The following MAGEA11 variants were observed in gnomAD, a reference collection of about 807,000 sequenced individuals.
MAGEA11 encodes the protein MAGE family member A11.
A neutral mutation model predicts 8.4 loss-of-function variants in MAGEA11; 1 was observed. That is an observed-to-expected ratio of 0.12 (90% CI 0.04 to 0.57). The LOEUF (loss-of-function observed/expected upper bound fraction) is 0.57. Among genes scored for constraint, MAGEA11 ranks in the 20% least tolerant of loss-of-function variants. MAGEA11 has a pLI of 0.91. For missense variants in MAGEA11, 209 were observed against 317.3 expected (o/e 0.66, Z 2.59); for synonymous variants, 127 against 119.3 (o/e 1.06, Z -0.42).
At chrX:149,697,949 A>G (rs993747556) in intron 1 of MAGEA11, among the ~76,000 whole-genome samples, 4 of 111,835 alleles carry the variant, frequency 3.6e-5, no homozygotes, top group Admixed American at 9.4e-5. Context: ...GTGAAGACGG[A>G]CATGTTTGCT....
chrX:149,714,112 T>G (rs1434535145), intron 2 of MAGEA11: 7 of 144,585 alleles, frequency 4.8e-5, no homozygotes, highest in African/African-American at 2.2e-4. Context: ...TGTGTCCCCT[T>G]GGTGAGGACT....
intron 1 of MAGEA11, among the ~76,000 whole-genome samples, chrX:149,705,724 C>T (rs2090374419): frequency 9.0e-6 from 1 of 111,715 alleles, no homozygotes. Flanking sequence ...ACAGTCAGGA[C>T]CTTCCCATGT....
rs147749342 is a variant in MAGEA11, at chrX:149,715,766, A to G, written c.280A>G (p.Ile94Val). ...CTCTCTCCCCAGGCTGTGGGGCCCC[A>G]TCACCCAGATATTTCCCACAGTTCG... The part of the protein sequence containing the change: ...TGGEQVLWGP[I>V]TQIFPTVRPA... The change falls in exon 5 of 5, where the codon ATC becomes GTC. Residue 94 changes from isoleucine (I) to valine (V), a missense_variant. Ile to Val is a conservative substitution (Grantham distance 29, BLOSUM62 3). Around this residue, in one of 2 missense-constraint regions of MAGEA11, gnomAD observed 131 missense variants for 138.5 expected, o/e 0.95. Coordinates refer to ENST00000355220, the MANE Select transcript of MAGEA11 (RefSeq NM_005366.5). The G allele has an allele frequency of 1.1e-5, 13 of 1,199,682 alleles. No homozygotes were observed. Among genetic ancestry groups the G allele is most frequent in the Non-Finnish European group, 1.3e-5 (12 of 890,493 alleles).
At chrX:149,712,037 C>T (rs1260234936), upstream of MAGEA11, 101 of 748,816 alleles carry the variant, frequency 1.3e-4, no homozygotes, top group Non-Finnish European at 1.2e-4. Flanking sequence ...AAGCTCCAGG[C>T]GTGGGGGCCG....
intron 1 of MAGEA11, among the ~76,000 whole-genome samples, chrX:149,695,081 C>G (rs782063223): frequency 8.9e-6 from 1 of 111,938 alleles, no homozygotes; most frequent in Non-Finnish European, 1.9e-5. Context: ...CTCTTTATCT[C>G]GCCTCTGATG....
At chrX:149,694,267 A>G (rs1557360370) in intron 1 of MAGEA11, among the ~76,000 whole-genome samples, 1 of 112,388 alleles carries the variant, frequency 8.9e-6, no homozygotes, top group African/African-American at 3.2e-5. Context: ...TAGTGTATGT[A>G]AAGTGGTATC....
At chrX:149,709,728 A>G (rs1462414118), upstream of MAGEA11, among the ~76,000 whole-genome samples, 9 of 112,437 alleles carry the variant, frequency 8.0e-5, no homozygotes, top group Admixed American at 8.5e-4. Context: ...AAGATTATAG[A>G]GGCAAAACAT....
upstream of MAGEA11, chrX:149,711,819 G>A (rs1421246840): frequency 4.0e-6 from 3 of 749,738 alleles, no homozygotes; most frequent in African/African-American, 4.7e-5. Context: ...GCAGAGGACG[G>A]AGCTCCAGGC....
intron 1 of MAGEA11, among the ~76,000 whole-genome samples, chrX:149,701,638 G>C (rs1295586447): frequency 9.1e-6 from 1 of 109,968 alleles, no homozygotes; most frequent in Non-Finnish European, 1.9e-5. Context: ...TGAAGTCCTT[G>C]TCCATGCCTC....
At chrX:149,703,909 C>G (rs1270986731) in intron 1 of MAGEA11, among the ~76,000 whole-genome samples, 1 of 111,712 alleles carries the variant, frequency 9.0e-6, no homozygotes, top group Admixed American at 9.5e-5. Flanking sequence ...ATTATTACTC[C>G]CATTTTACAG....
intron 1 of MAGEA11, among the ~76,000 whole-genome samples, chrX:149,690,232 G>T (rs1278039736): frequency 8.9e-6 from 1 of 112,683 alleles, no homozygotes; most frequent in East Asian, 2.8e-4. Flanking sequence ...CTTGACTGAT[G>T]TTCAGATGGC....
chrX:149,704,831 G>T (rs1180781123), intron 1 of MAGEA11, among the ~76,000 whole-genome samples: 1 of 112,173 alleles, frequency 8.9e-6, no homozygotes, highest in East Asian at 2.8e-4. Flanking sequence ...AATTTCCTTC[G>T]AGCCAACTCC....
chrX:149,688,539 A>G (rs1449836329), upstream of MAGEA11, among the ~76,000 whole-genome samples: 1 of 111,415 alleles, frequency 9.0e-6, no homozygotes, highest in African/African-American at 3.3e-5. Context: ...ACCAAAGACA[A>G]CAGGACAAAT....
At chrX:149,690,241 G>A (rs1445764602) in intron 1 of MAGEA11, among the ~76,000 whole-genome samples, 2 of 112,542 alleles carry the variant, frequency 1.8e-5, no homozygotes, top group Non-Finnish European at 3.8e-5. Flanking sequence ...TGTTCAGATG[G>A]CTTCATCTCA....
upstream of MAGEA11, among the ~76,000 whole-genome samples, chrX:149,710,610 AGCTAATTTTTCAT>A (rs2090395489): frequency 1.8e-5 from 2 of 110,212 alleles, no homozygotes. Flanking sequence ...CACCACACCC[AGCTAATTTTTCAT>A]TTCTTTTTTC....
upstream of MAGEA11, among the ~76,000 whole-genome samples, chrX:149,688,657 C>CATACATATACAT (rs58756024): frequency 7.2e-3 from 715 of 98,814 alleles, 3 homozygotes; most frequent in African/African-American, 0.022. Context: ...TACATATACA[C>CATACATATACAT]ATACATATAC....
At chrX:149,698,006 G>A (rs1291724227) in intron 1 of MAGEA11, among the ~76,000 whole-genome samples, 1 of 112,343 alleles carries the variant, frequency 8.9e-6, no homozygotes, top group Non-Finnish European at 1.9e-5. Context: ...CCTCAGCCAC[G>A]TGGAACTATT....
rs782664058 is a variant in MAGEA11, at chrX:149,715,973, T to C, written c.487T>C (p.Leu163=). 8.3e-7 allele frequency: 1 copy of C among 1,208,236 alleles called. No individual in the cohort carries two copies. The highest frequency in any genetic ancestry group is 1.8e-5 in the African/African-American group (1 of 56,619). Residue 163 remains leucine, a synonymous_variant, in exon 5 of 5, where the codon TTG becomes CTG. Coordinates refer to ENST00000355220, the MANE Select transcript of MAGEA11 (RefSeq NM_005366.5). ...TCTGAATGTGGGCACTCTAGAGGAG[T>C]TGCCTGCTGCTGAGTCACCAAGTCC... ...STLNVGTLEE[L]PAAESPSPPQ... is the part of the protein sequence containing the mutation.
chrX:149,688,276 A>G (rs1475130209), upstream of MAGEA11: 8 of 112,411 alleles, frequency 7.1e-5, no homozygotes, highest in Non-Finnish European at 1.5e-4. Flanking sequence ...TTTAAGACCT[A>G]CAATCAGACA....
Sources: gnomAD v4.1 joint callset for allele counts (sites outside exome capture counted in the v4.1 genomes callset) on GRCh38, gnomAD v4.1.1 for gene constraint, gnomAD v4.1.1 regional missense constraint, MANE v1.5 for transcripts, NCBI Gene and HGNC (gene_info 2026-07-23, HGNC 2026-07-21) for gene names.